The following TMEM121 variants were observed in gnomAD, a reference collection of about 807,000 sequenced individuals.
TMEM121 encodes transmembrane protein 121A.
In TMEM121, 8 loss-of-function variants were observed where a neutral mutation model predicts 16.4. That is an observed-to-expected ratio of 0.49 (90% CI 0.29 to 0.88). The LOEUF is 0.88. Among genes scored for constraint, TMEM121 ranks in the 40% least tolerant of loss-of-function variants. The pLI is 0.09. For synonymous variants in TMEM121, 235 were observed against 226.2 expected (o/e 1.04, Z -0.35); for missense variants, 401 against 462.0 (o/e 0.87, Z 1.21).
chr14:105,529,694 C>T lies in TMEM121; in HGVS notation c.860C>T (p.Pro287Leu), dbSNP rs781969647. ...CTATCACTGGAGCTGCAGCCGCCAC[C>T]CCCGCAGCGCAACTCGGTGCCGCCG... ...PALSLELQPP[P>L]PQRNSVPPPP... Residue 287 changes from proline to leucine, a missense_variant, in exon 2 of 2, where the codon CCC becomes CTC. Coordinates refer to ENST00000392519, the MANE Select transcript of TMEM121 (RefSeq NM_025268.4). The T allele has an allele frequency of 1.9e-6, 3 of 1,543,202 alleles. No individual in the cohort carries two copies. Among genetic ancestry groups the T allele is most frequent in the Non-Finnish European group, 2.6e-6 (3 of 1,152,936 alleles).
intron 1 of TMEM121, among the ~76,000 whole-genome samples, chr14:105,528,228 C>T (rs913472566): frequency 6.6e-6 from 1 of 151,598 alleles, no homozygotes; most frequent in East Asian, 1.9e-4. Flanking sequence ...GGCTCTCGGT[C>T]CGGGATCAGA....
Position 105,528,832 on chromosome 14 carries a change from A to G in TMEM121, c.-3A>G. 1 of 1,513,222 alleles carries G rather than the reference A, an allele frequency of 6.6e-7. No individual in the cohort carries two copies. The highest frequency in any genetic ancestry group is 8.8e-7 in the Non-Finnish European group (1 of 1,131,546). The allele number at this position is 1,513,222 out of a possible 1,614,324, so 93.7% of individuals were successfully genotyped here. A position where few individuals can be genotyped will look rare whatever the true frequency, so the allele number is the denominator to read the frequency against. ...CGCCCAGGCCGGGGCCCGGCGGCCGACCATGGTGCTGCCGCCCCCGGACCG... is the reference window on the plus strand; with the variant it reads ...CGCCCAGGCCGGGGCCCGGCGGCCGGCCATGGTGCTGCCGCCCCCGGACCG... On this transcript the variant is annotated 5_prime_UTR_variant, in exon 2 of 2. Transcript: ENST00000392519.
In TMEM121 at chr14:105,529,174, A is replaced by T; in HGVS notation, c.340A>T (p.Thr114Ser). 2 of 1,588,640 alleles carry T rather than the reference A, an allele frequency of 1.3e-6. No homozygotes were observed. The highest frequency in any genetic ancestry group is 1.7e-6 in the Non-Finnish European group (2 of 1,170,040). The change falls in exon 2 of 2, where the codon ACG (threonine) becomes TCG (serine). Residue 114 changes from threonine (T) to serine (S), a missense_variant. Thr to Ser is a moderately conservative substitution (Grantham distance 58). Transcript: ENST00000392519. The stretch of plus-strand genomic sequence containing the variant: ...GGACCCCGTGGCGCGCAAGGCGCTG[A>T]CGCTGCTGCTGTCTGTGTGTGTGCC... ...AADPVARKALTLLLSVCVPGL... is the reference protein window; with the variant it reads ...AADPVARKALSLLLSVCVPGL...
rs782376455 is a variant in TMEM121, at chr14:105,529,014, C to T, written c.180C>T (p.Ala60=). Residue 60 remains alanine, a synonymous_variant, in exon 2 of 2, where the codon GCC becomes GCT. Coordinates refer to ENST00000392519, the MANE Select transcript of TMEM121 (RefSeq NM_025268.4). ...TCCTGCTGGTGCTGCGCTACGTGGC[C>T]GTGTGGGTGGGCGCCGAGGTGCGCA... ...VCFLLVLRYV[A]VWVGAEVRTA... is the part of the protein sequence containing the mutation. 1 of 1,612,046 alleles carries T rather than the reference C, an allele frequency of 6.2e-7. No homozygotes were observed. The highest frequency in any genetic ancestry group is 1.3e-5 in the African/African-American group (1 of 74,904).
chr14:105,527,933 G>C (rs2084602296), intron 1 of TMEM121, among the ~76,000 whole-genome samples: 1 of 152,048 alleles, frequency 6.6e-6, no homozygotes, highest in African/African-American at 2.4e-5. Context: ...AAGCCCGACG[G>C]GCCTTGGTGG....
chr14:105,528,607 G>C, intron 1 of TMEM121, 115 bp from the exon 2 acceptor site: 1 of 290,102 alleles, frequency 3.4e-6, no homozygotes, highest in Non-Finnish European at 5.8e-6. Flanking sequence ...GATGCCTCGG[G>C]GCCCCGGCGC....
intron 1 of TMEM121, 46 bp from the exon 2 acceptor site, chr14:105,528,676 G>T (rs2084609813): frequency 8.7e-6 from 6 of 686,182 alleles, no homozygotes; most frequent in Non-Finnish European, 1.1e-5. Context: ...GTTGGGGGAG[G>T]CCGCTCCAGC....
At chr14:105,528,597 G>C (rs1187375871) in intron 1 of TMEM121, 125 bp from the exon 2 acceptor site, 4 of 265,144 alleles carry the variant, frequency 1.5e-5, no homozygotes, top group Non-Finnish European at 2.7e-5. Context: ...AGGCGTGCGC[G>C]ATGCCTCGGG....
chr14:105,529,659 G>A lies in TMEM121; in HGVS notation c.825G>A (p.Pro275=), dbSNP rs2084625545. ...LEYRRQVRDF[P]PPALSLELQP... is the part of the protein sequence containing the mutation. ...ACCGCCGCCAGGTGCGCGACTTCCCGCCGCCTGCGCTATCACTGGAGCTGC... is the reference window on the plus strand; with the variant it reads ...ACCGCCGCCAGGTGCGCGACTTCCCACCGCCTGCGCTATCACTGGAGCTGC... Residue 275 remains proline (P), a synonymous_variant, in exon 2 of 2, where the codon CCG becomes CCA. Transcript: ENST00000392519. 4.4e-6 allele frequency: 7 copies of A among 1,573,384 alleles called. No homozygotes were observed. Among genetic ancestry groups the A allele is most frequent in the Middle Eastern group, 1.7e-4 (1 of 6,044 alleles).
rs587653405 is a variant in TMEM121 at position 105,526,689 on chromosome 14, C to G, written c.-114+36C>G. ...GCGCGGGCGGGACTGGCTGGGTGCG[C>G]GGCTGCGTCCGCGGAGGGGGCGGCG... On this transcript the variant is annotated intron_variant, in intron 1 of 1. Transcript: ENST00000392519. The surrounding 1 kb of genome is among the most constrained non-coding windows in gnomAD (Gnocchi z 6.8). 4.4e-5 allele frequency: 6 copies of G among 135,298 alleles called. No homozygotes were observed. The South Asian group carries it at 1.4e-3, about 31-fold the overall frequency. 8.4% of individuals were successfully genotyped at this position (135,298 alleles called of 1,614,324 possible). A position where few individuals can be genotyped will look rare whatever the true frequency, so the allele number is the denominator to read the frequency against.
At chr14:105,528,034 GACA>G (rs2084603187) in intron 1 of TMEM121, among the ~76,000 whole-genome samples, 1 of 149,604 alleles carries the variant, frequency 6.7e-6, no homozygotes, top group Non-Finnish European at 1.5e-5. Flanking sequence ...GAGGGTGGGG[GACA>G]ACACCTCGCC....
Position 105,529,997 on chromosome 14 carries a change from G to C in TMEM121, c.*203G>C, listed in dbSNP as rs782559877. The C allele has an allele frequency of 3.6e-6, 2 of 551,310 alleles. No homozygotes were observed. The highest frequency in any genetic ancestry group is 6.2e-6 in the Non-Finnish European group (2 of 325,070). 34.2% of individuals were successfully genotyped at this position (551,310 alleles called of 1,614,324 possible). On this transcript the variant is annotated 3_prime_UTR_variant, in exon 2 of 2. Transcript: ENST00000392519. ...TCCTCAGCCCCCGCTCCACCAGCCC[G>C]CCCCAGCGCGTGGGTCTGTTTGGGA...
Position 105,529,965 on chromosome 14 carries a change from C to A in TMEM121, c.*171C>A. The A allele has an allele frequency of 1.5e-6, 1 of 645,230 alleles. No homozygotes were observed. The highest frequency in any genetic ancestry group is 2.9e-5 in the South Asian group (1 of 34,452). 40.0% of individuals were successfully genotyped at this position (645,230 alleles called of 1,614,324 possible). ...TTCTTCATCTCAGGAATCTCTCGGA[C>A]CGCGGATCCTCAGCCCCCGCTCCAC... On this transcript the variant is annotated 3_prime_UTR_variant, in exon 2 of 2. Coordinates refer to ENST00000392519, the MANE Select transcript of TMEM121 (RefSeq NM_025268.4).
Position 105,529,587 on chromosome 14 carries a change from CA to C in TMEM121, c.758del (p.Asn253ThrfsTer153). 1.3e-6 allele frequency: 2 copies of C among 1,568,310 alleles called. No individual in the cohort carries two copies. Among genetic ancestry groups the C allele is most frequent in the Non-Finnish European group, 8.6e-7 (1 of 1,164,680 alleles). On this transcript the variant is annotated frameshift_variant, in exon 2 of 2. Transcript: ENST00000392519. LOFTEE classifies it high-confidence loss of function. Reference sequence around the variant, plus strand: ...GCCGTGTCTCGGCCATCTTCGTCGGCAAAAACGTGGTGGCGCTCGCCACCAA... The same window carrying C: ...GCCGTGTCTCGGCCATCTTCGTCGGCAAAACGTGGTGGCGCTCGCCACCAA... Reference protein sequence around the residue: ...DSRVSAIFVGKNVVALATKAC... With the variant: ...DSRVSAIFVGXNVVALATKAC...
At position 105,529,101 on chromosome 14, in the gene TMEM121, G is replaced by A. The variant is rs1555444172; in HGVS notation, c.267G>A (p.Lys89=). 2 of 1,611,206 alleles carry A rather than the reference G, an allele frequency of 1.2e-6. No homozygotes were observed. The highest frequency in any genetic ancestry group is 3.3e-5 in the Admixed American group (2 of 59,972). ...WFLYIFVLEI[K]LYFIFQNYKA... is the part of the protein sequence containing the mutation. ...TTTACATCTTCGTGCTGGAGATCAA[G>A]CTCTACTTCATCTTCCAGAACTACA... The change falls in exon 2 of 2, where the codon AAG becomes AAA. Residue 89 remains lysine, a synonymous_variant. Transcript: ENST00000392519.
rs1054477450 is a variant in TMEM121, at chr14:105,530,074, C to T, written c.*280C>T. On this transcript the variant is annotated 3_prime_UTR_variant, in exon 2 of 2. Transcript: ENST00000392519. ...GATCCGGCCCCTGCCTGCTGGGCCGCCCGGGTTGGAAGGGAGGGCAGTGTG... is the reference window on the plus strand; with the variant it reads ...GATCCGGCCCCTGCCTGCTGGGCCGTCCGGGTTGGAAGGGAGGGCAGTGTG... 9.6e-5 allele frequency: 40 copies of T among 415,252 alleles called. No individual in the cohort carries two copies. Among genetic ancestry groups the T allele is most frequent in the South Asian group, 3.6e-4 (5 of 13,706 alleles). 25.7% of individuals were successfully genotyped at this position (415,252 alleles called of 1,614,324 possible).
intron 1 of TMEM121, chr14:105,527,135 C>G (rs1256415770): frequency 6.6e-6 from 1 of 152,400 alleles, no homozygotes; most frequent in Non-Finnish European, 1.5e-5. Context: ...CTCTGGCTTG[C>G]CGGGGTAGGG....
chr14:105,529,687 C>G lies in TMEM121; in HGVS notation c.853C>G (p.Pro285Ala). ...GCCTGCGCTATCACTGGAGCTGCAG[C>G]CGCCACCCCCGCAGCGCAACTCGGT... is the stretch of plus-strand genomic sequence containing the variant. ...PPPALSLELQ[P>A]PPPQRNSVPP... Residue 285 changes from proline to alanine, a missense_variant, in exon 2 of 2, where the codon CCG becomes GCG. Pro to Ala is a conservative substitution (Grantham distance 27, BLOSUM62 -1). Transcript: ENST00000392519. 6.5e-7 allele frequency: 1 copy of G among 1,548,546 alleles called. No individual in the cohort carries two copies. The highest frequency in any genetic ancestry group is 1.2e-5 in the South Asian group (1 of 85,058).
chr14:105,528,441 C>G (rs963795053), intron 1 of TMEM121, among the ~76,000 whole-genome samples: 4 of 152,168 alleles, frequency 2.6e-5, no homozygotes, highest in African/African-American at 9.6e-5. Context: ...CCCCCCCGGG[C>G]TCCGGGAACG....
Sources: allele counts gnomAD v4.1 joint callset (sites outside exome capture counted in the v4.1 genomes callset), GRCh38; gene constraint gnomAD v4.1.1; non-coding constraint Gnocchi (gnomAD v3.1); transcripts MANE v1.5; gene names NCBI Gene and HGNC (gene_info 2026-07-23, HGNC 2026-07-21).